Variants in ANKFY1 observed in about 807,000 individuals in gnomAD.
The protein encoded by ANKFY1 is ankyrin repeat and FYVE domain-containing protein 1.
In ANKFY1, 47 loss-of-function variants were observed where a neutral mutation model predicts 128.3. The ratio of observed to expected loss-of-function variants is 0.37; its 90% CI spans 0.29 to 0.47. ANKFY1 has a LOEUF of 0.47. Among genes scored for constraint, ANKFY1 ranks in the 20% least tolerant of loss-of-function variants. The probability of loss-of-function intolerance (pLI) is 1.00; values close to 1 mark genes in which losing one functional copy is unlikely to be tolerated. For missense variants in ANKFY1, 1,222 were observed against 1,510.6 expected (o/e 0.81, Z 3.17); for synonymous variants, 553 against 601.6 (o/e 0.92, Z 1.18).
intron 3 of ANKFY1, chr17:4,223,840 G>C: frequency 8.5e-7 from 1 of 1,178,146 alleles, no homozygotes; most frequent in Non-Finnish European, 1.2e-6. Context: ...CTCTTCTCTC[G>C]CAATCCCACA....
rs1204690282 is a variant in ANKFY1, at chr17:4,169,169, G to A, written c.3377+29C>T. 4.6e-6 allele frequency: 7 copies of A among 1,535,166 alleles called. No individual in the cohort carries two copies. Among genetic ancestry groups the A allele is most frequent in the African/African-American group, 1.4e-5 (1 of 72,692 alleles). On this transcript the variant is annotated intron_variant, in intron 24 of 24. Transcript: ENST00000341657. This position sits in a 1 kb window ranked among gnomAD's most constrained non-coding sequence, Gnocchi z 5.0. ...CAATGACATCAGCGGCAGTCCCCTC[G>A]CTCCTTGCCAGTGACGCTGGGGTCT...
intron 11 of ANKFY1, among the ~76,000 whole-genome samples, chr17:4,185,565 C>T (rs1646311318): frequency 6.6e-6 from 1 of 151,950 alleles, no homozygotes; most frequent in African/African-American, 2.4e-5. Context: ...CTTCTAGCCA[C>T]AAGCAGTCCT....
At chr17:4,256,225 G>T (rs1050131969) in intron 1 of ANKFY1, among the ~76,000 whole-genome samples, 1 of 152,030 alleles carries the variant, frequency 6.6e-6, no homozygotes, top group South Asian at 2.1e-4. Flanking sequence ...TGAGGAGATC[G>T]AGACCATCCT....
At chr17:4,243,256 T>A (rs191689090) in intron 1 of ANKFY1, among the ~76,000 whole-genome samples, 2 of 151,884 alleles carry the variant, frequency 1.3e-5, no homozygotes, top group African/African-American at 4.8e-5. Context: ...TTAGTAGAGA[T>A]GGGGTTTCAC....
chr17:4,173,569 G>C (rs2059361715), intron 20 of ANKFY1, 125 bp from the exon 21 acceptor site: 5 of 871,504 alleles, frequency 5.7e-6, no homozygotes, highest in South Asian at 5.7e-5. Context: ...GCCACGCACA[G>C]AGCCATCCTT....
intron 3 of ANKFY1, among the ~76,000 whole-genome samples, chr17:4,217,658 T>G (rs1479492218): frequency 1.3e-5 from 2 of 152,150 alleles, no homozygotes; most frequent in African/African-American, 4.8e-5. Context: ...GGGAAAATAT[T>G]TGAAACATAT....
At chr17:4,205,106 A>G (rs1178763840) in intron 7 of ANKFY1, among the ~76,000 whole-genome samples, 3 of 152,360 alleles carry the variant, frequency 2.0e-5, no homozygotes, top group South Asian at 2.1e-4. Flanking sequence ...CAATAATAGT[A>G]TAACAATGCA....
chr17:4,209,751 G>A, intron 5 of ANKFY1, 73 bp downstream of exon 5: 1 of 1,499,574 alleles, frequency 6.7e-7, no homozygotes, highest in Non-Finnish European at 9.0e-7. Flanking sequence ...CACTTTCCAT[G>A]GAACTACGTC....
At chr17:4,208,229 T>C (rs553603155) in intron 5 of ANKFY1, 147 bp from the exon 6 acceptor site, 5 of 655,078 alleles carry the variant, frequency 7.6e-6, no homozygotes, top group African/African-American at 3.8e-5. Flanking sequence ...CAAAACCCAA[T>C]GAAGTAAGTA....
chr17:4,224,660 G>GTT (rs1184634246), intron 3 of ANKFY1, among the ~76,000 whole-genome samples: 6 of 76,934 alleles, frequency 7.8e-5, no homozygotes, highest in African/African-American at 1.9e-4. Flanking sequence ...ATGGAAAACT[G>GTT]TTTGTTTGTT....
intron 8 of ANKFY1, among the ~76,000 whole-genome samples, chr17:4,196,201 T>C (rs2059822720): frequency 7.0e-6 from 1 of 143,200 alleles, no homozygotes. Context: ...ACTGCGAGTT[T>C]ATTGCCGTTG....
At position 4,181,194 on chromosome 17, in the gene ANKFY1, A is replaced by G; in HGVS notation, c.2240+60T>C. ...GACTATAGACGGATTTAAAAAGGAA[A>G]GAGCCAGTTTGCAACAAGCTCACTA... On this transcript the variant is annotated intron_variant, in intron 16 of 24. Coordinates refer to ENST00000341657, the MANE Select transcript of ANKFY1 (RefSeq NM_001330063.2). The surrounding 1 kb of genome is among the most constrained non-coding windows in gnomAD (Gnocchi z 4.9). The G allele has an allele frequency of 1.4e-6, 2 of 1,381,966 alleles. No homozygotes were observed. The highest frequency in any genetic ancestry group is 2.1e-6 in the Non-Finnish European group (2 of 971,454). The allele number at this position is 1,381,966 out of a possible 1,614,324, so 85.6% of individuals were successfully genotyped here. A position where few individuals can be genotyped will look rare whatever the true frequency, so the allele number is the denominator to read the frequency against.
rs117839602 is a variant in ANKFY1 at position 4,213,562 on chromosome 17, A to C, written c.458+3421T>G. Among the ~76,000 whole-genome samples, 537 of 145,118 alleles carry C rather than the reference A, an allele frequency of 3.7e-3. 5 individuals are homozygous for C. Among genetic ancestry groups the C allele is most frequent in the East Asian group, 0.013 (64 of 4,860 alleles). ...AGTTACATACAACAGCATTATATTT[A>C]TTTCTTTTTTTTTTTTTTTTCCAAG... On this transcript the variant is annotated intron_variant, in intron 4 of 24. Coordinates refer to ENST00000341657, the MANE Select transcript of ANKFY1 (RefSeq NM_001330063.2).
intron 5 of ANKFY1, among the ~76,000 whole-genome samples, chr17:4,208,771 C>A (rs2060071533): frequency 6.6e-6 from 1 of 152,152 alleles, no homozygotes; most frequent in Non-Finnish European, 1.5e-5. Context: ...AATGTAAACA[C>A]TGGCCGGGCG....
rs117164839 is a variant in ANKFY1 at position 4,183,385 on chromosome 17, G to A, written c.1952+13C>T. ...TTACCTGGTGTTAGGTGGAGAGAGC[G>A]GCTTCCTCCTACCTGACATTTATAT... On this transcript the variant is annotated intron_variant, in intron 14 of 24. Coordinates refer to ENST00000341657, the MANE Select transcript of ANKFY1 (RefSeq NM_001330063.2). 1.7e-4 allele frequency: 276 copies of A among 1,612,254 alleles called. No homozygotes were observed. Among genetic ancestry groups the A allele is most frequent in the Non-Finnish European group, 2.1e-4 (248 of 1,179,192 alleles).
At chr17:4,218,801 C>T (rs1284379857) in intron 3 of ANKFY1, among the ~76,000 whole-genome samples, 3 of 151,982 alleles carry the variant, frequency 2.0e-5, no homozygotes, top group South Asian at 2.1e-4. Flanking sequence ...GAAATTGAGC[C>T]GGGAGGTTGA....
chr17:4,170,671 T>C lies in ANKFY1; in HGVS notation c.3286+44A>G, dbSNP rs755008788. Reference sequence around the variant, plus strand: ...ATACAATACATGGCGATCCCAACACTACGACTGTGCTTGCACTGTGAGAGC... The same window carrying C: ...ATACAATACATGGCGATCCCAACACCACGACTGTGCTTGCACTGTGAGAGC... On this transcript the variant is annotated intron_variant, in intron 23 of 24. Coordinates refer to ENST00000341657, the MANE Select transcript of ANKFY1 (RefSeq NM_001330063.2). 22 of 1,573,590 alleles carry C rather than the reference T, an allele frequency of 1.4e-5. No homozygotes were observed. In the East Asian group the frequency reaches 4.9e-4, roughly 35 times the overall value.
intron 1 of ANKFY1, among the ~76,000 whole-genome samples, chr17:4,261,370 C>T (rs188692910): frequency 6.6e-6 from 1 of 152,282 alleles, no homozygotes; most frequent in Non-Finnish European, 1.5e-5. Context: ...ATCCCAGCTA[C>T]TTGGGATGCT....
At chr17:4,192,744 C>T (rs1263773665) in intron 10 of ANKFY1, among the ~76,000 whole-genome samples, 1 of 152,180 alleles carries the variant, frequency 6.6e-6, no homozygotes, top group Non-Finnish European at 1.5e-5. Flanking sequence ...CATCACTAAA[C>T]CGTTAAAAGC....
Sources: gnomAD v4.1 joint callset for allele counts (sites outside exome capture counted in the v4.1 genomes callset) on GRCh38, gnomAD v4.1.1 for gene constraint, Gnocchi (gnomAD v3.1) non-coding constraint, MANE v1.5 for transcripts, NCBI Gene and HGNC (gene_info 2026-07-23, HGNC 2026-07-21) for gene names.